The following NLRP13 variants were observed in gnomAD, a reference collection of about 807,000 sequenced individuals.
NLRP13 encodes the protein NACHT, LRR and PYD domains-containing protein 13.
NLRP13 carries 82 observed loss-of-function variants against 94.4 expected under a neutral mutation model. The ratio of observed to expected loss-of-function variants is 0.87; its 90% confidence interval spans 0.73 to 1.04. The LOEUF (loss-of-function observed/expected upper bound fraction) is 1.04, where lower values mean the gene tolerates loss of function less well. Ranked by LOEUF, NLRP13 falls within the 50% of genes least tolerant of loss-of-function variation. The probability of loss-of-function intolerance (pLI) is 0.00; values close to 1 mark genes in which losing one functional copy is unlikely to be tolerated. For missense variants in NLRP13, 1,426 were observed against 1,230.8 expected, an observed-to-expected ratio of 1.16 and a Z score of -2.37; for synonymous variants, 553 against 464.7, an observed-to-expected ratio of 1.19 and a Z score of -2.45.
At chr19:55,905,264 A>G (rs1226386006) in intron 7 of NLRP13, 152 bp from the exon 8 acceptor site, 9 of 900,370 alleles carry the variant, frequency 1.0e-5, no homozygotes, top group African/African-American at 1.7e-5. Flanking sequence ...AAAAAGGGCC[A>G]GGCGCAGTGG....
chr19:55,922,070 A>G (rs28498952), intron 4 of NLRP13, among the ~76,000 whole-genome samples: 2 of 152,162 alleles, frequency 1.3e-5, no homozygotes, highest in Admixed American at 1.3e-4. Flanking sequence ...CAACTTACCT[A>G]GTGGGAGGTG....
chr19:55,923,993 T>C lies in NLRP13; in HGVS notation c.458-14A>G, dbSNP rs1196275476. The C allele has an allele frequency of 6.2e-7, 1 of 1,608,464 alleles. No individual in the cohort carries two copies. Among genetic ancestry groups the C allele is most frequent in the South Asian group, 1.1e-5 (1 of 90,956 alleles). ...CCTGTACATTCCCTGAAATAAACAG[T>C]GATGATGAGATATGAAAATACCCCA... On this transcript the variant is annotated splice_polypyrimidine_tract_variant and intron_variant, in intron 3 of 10. Coordinates refer to ENST00000342929, the MANE Select transcript of NLRP13 (RefSeq NM_176810.2).
chr19:55,930,686 C>CAAAA (rs9304769), intron 1 of NLRP13, among the ~76,000 whole-genome samples: 121 of 94,182 alleles, frequency 1.3e-3, no homozygotes, highest in African/African-American at 5.0e-3. Context: ...AACTCCATCT[C>CAAAA]AAAAAAAAAA....
At position 55,924,574 on chromosome 19, in the gene NLRP13, C is replaced by G. The variant is rs1472203095; in HGVS notation, c.457+16G>C. The G allele has an allele frequency of 1.3e-6, 2 of 1,593,618 alleles. No homozygotes were observed. The highest frequency in any genetic ancestry group is 2.3e-5 in the East Asian group (1 of 44,372). On this transcript the variant is annotated intron_variant, in intron 3 of 10. Transcript: ENST00000342929. The stretch of plus-strand genomic sequence containing the variant: ...ATCAAGCAACCTGTCAATTATCAAC[C>G]AAGTAATGTACACACCTGTTTCTTC...
intron 1 of NLRP13, among the ~76,000 whole-genome samples, chr19:55,930,894 A>ATG (rs1195872029): frequency 1.7e-5 from 2 of 119,904 alleles, no homozygotes; most frequent in Non-Finnish European, 3.4e-5. Flanking sequence ...ATATATATAT[A>ATG]TATAAAATTT....
downstream of NLRP13, chr19:55,891,830 C>T (rs1985857345): frequency 5.4e-6 from 2 of 369,346 alleles, no homozygotes; most frequent in Non-Finnish European, 9.6e-6. Context: ...ACTAGGATTC[C>T]AGACCTGGGC....
At chr19:55,891,903 C>G, downstream of NLRP13, 1 of 397,948 alleles carries the variant, frequency 2.5e-6, no homozygotes. Context: ...TCATTTGTCC[C>G]CACAAATGGT....
rs10530056 is a variant in NLRP13 at position 55,913,548 on chromosome 19, C to CAAAAA, written c.524-260_524-256dup. Among the ~76,000 whole-genome samples, 430 of 52,004 alleles carry CAAAAA rather than the reference C, an allele frequency of 8.3e-3. 41 individuals carry two copies. The highest frequency in any genetic ancestry group is 0.024 in the South Asian group (26 of 1,080). 34.1% of individuals were successfully genotyped at this position (52,004 alleles called of 152,430 possible). Reference sequence around the variant, plus strand: ...TGGGTGACAGAGTGAGACTCCGTCTCAAAAAAAAAAAAAAAAAAAAAAAGT... The same window carrying CAAAAA: ...TGGGTGACAGAGTGAGACTCCGTCTCAAAAAAAAAAAAAAAAAAAAAAAAAAAAGT... On this transcript the variant is annotated intron_variant, in intron 4 of 10. Transcript: ENST00000342929.
rs1986190738 is a variant in NLRP13, at chr19:55,901,922, G to A, written c.2789+113C>T. 4.5e-6 allele frequency: 5 copies of A among 1,102,532 alleles called. No individual in the cohort carries two copies. The East Asian group carries it at 7.7e-5, about 17-fold the overall frequency. The allele number at this position is 1,102,532 out of a possible 1,614,324, so 68.3% of individuals were successfully genotyped here. A position where few individuals can be genotyped will look rare whatever the true frequency, so the allele number is the denominator to read the frequency against. On this transcript the variant is annotated intron_variant, in intron 9 of 10. Transcript: ENST00000342929. Reference sequence around the variant, plus strand: ...CGACAAAACCAGAAGCTCCTCCATGGCAAAGAGCTTGTCCACGCCTCATTC... The same window carrying A: ...CGACAAAACCAGAAGCTCCTCCATGACAAAGAGCTTGTCCACGCCTCATTC...
chr19:55,900,653 G>A (rs867919081), intron 9 of NLRP13, among the ~76,000 whole-genome samples: 42 of 151,566 alleles, frequency 2.8e-4, no homozygotes, highest in Middle Eastern at 3.4e-3. Flanking sequence ...GCGGGCACCC[G>A]TAGTCCCAGC....
chr19:55,913,131 T>C lies in NLRP13; in HGVS notation c.686A>G (p.Gln229Arg), dbSNP rs1395896530. Residue 229 changes from glutamine (Q) to arginine (R), a missense_variant, in exon 5 of 11, where the codon CAG becomes CGG. Gln to Arg is a conservative substitution (Grantham distance 43). Transcript: ENST00000342929. The part of the protein sequence containing the change: ...LDPNRTRAQA[Q>R]TIVLVGRAGV... ...TGCCCTCCCCACCAAGACTATCGTCTGGGCCTGGGCTCTAGTCCTATTAGG... is the reference window on the plus strand; with the variant it reads ...TGCCCTCCCCACCAAGACTATCGTCCGGGCCTGGGCTCTAGTCCTATTAGG... 6.2e-7 allele frequency: 1 copy of C among 1,614,170 alleles called. No homozygotes were observed. The highest frequency in any genetic ancestry group is 8.5e-7 in the Non-Finnish European group (1 of 1,180,018).
In NLRP13 at chr19:55,923,868, C is replaced by T. The variant is rs147092610; in HGVS notation, c.523+46G>A. ...TACTATGGACCTAGTGAAACCAATGCTCGTCAAGCAACCTGTCCATTATCA... is the reference window on the plus strand; with the variant it reads ...TACTATGGACCTAGTGAAACCAATGTTCGTCAAGCAACCTGTCCATTATCA... On this transcript the variant is annotated intron_variant, in intron 4 of 10. Coordinates refer to ENST00000342929, the MANE Select transcript of NLRP13 (RefSeq NM_176810.2). 691 of 1,430,768 alleles carry T rather than the reference C, an allele frequency of 4.8e-4. 2 individuals carry two copies. The African/African-American group carries it at 7.5e-3, about 16-fold the overall frequency. The allele number at this position is 1,430,768 out of a possible 1,614,324, so 88.6% of individuals were successfully genotyped here.
At chr19:55,930,434 C>G (rs1371248901) in intron 1 of NLRP13, among the ~76,000 whole-genome samples, 1 of 151,996 alleles carries the variant, frequency 6.6e-6, no homozygotes, top group Non-Finnish European at 1.5e-5. Context: ...GCCTGTAATC[C>G]CAGAATTTTG....
rs565649099 is a variant in NLRP13 at position 55,898,789 on chromosome 19, G to A, written c.2938C>T (p.Arg980Cys). 25 of 1,610,378 alleles carry A rather than the reference G, an allele frequency of 1.6e-5. No individual in the cohort carries two copies. The highest frequency in any genetic ancestry group is 3.3e-4 in the Middle Eastern group (2 of 6,052). The change falls in exon 10 of 11, where the codon CGT (arginine) becomes TGT (cysteine). Residue 980 changes from arginine to cysteine, a missense_variant. Physicochemically the swap from Arg to Cys is radical, Grantham distance 180. Transcript: ENST00000342929. ...ACTCACCCAAGTGTGTGCAATGCACGATGTGGTTTCAGAGCCTCACACAGT... is the reference window on the plus strand; with the variant it reads ...ACTCACCCAAGTGTGTGCAATGCACAATGTGGTTTCAGAGCCTCACACAGT... ...KLLCEALKPHRALHTLGLAKC... is the reference protein window; with the variant it reads ...KLLCEALKPHCALHTLGLAKC...
rs749410509 is a variant in NLRP13 at position 55,907,814 on chromosome 19, C to G, written c.2425G>C (p.Ala809Pro). 6.2e-7 allele frequency: 1 copy of G among 1,613,770 alleles called. No homozygotes were observed. The highest frequency in any genetic ancestry group is 1.3e-5 in the African/African-American group (1 of 74,886). ...PLILKALRHSACNLKYLCLEK... is the reference protein window; with the variant it reads ...PLILKALRHSPCNLKYLCLEK... ...TACCACAGATACTTGAGGTTGCAAGCTGAGTGTCTCAAAGCTTTAAGAATC... is the reference window on the plus strand; with the variant it reads ...TACCACAGATACTTGAGGTTGCAAGGTGAGTGTCTCAAAGCTTTAAGAATC... Residue 809 changes from alanine (A) to proline (P), a missense_variant, in exon 7 of 11, where the codon GCT becomes CCT. Transcript: ENST00000342929.
At chr19:55,909,493 C>T (rs1017548576) in intron 6 of NLRP13, among the ~76,000 whole-genome samples, 2 of 151,112 alleles carry the variant, frequency 1.3e-5, no homozygotes, top group African/African-American at 4.9e-5. Flanking sequence ...AAGACATACA[C>T]ATCAAATGCA....
chr19:55,893,376 GAAA>G (rs1325827666), downstream of NLRP13, among the ~76,000 whole-genome samples: 5 of 151,960 alleles, frequency 3.3e-5, no homozygotes, highest in African/African-American at 1.2e-4. Context: ...CAACAAGAGT[GAAA>G]CTCCATCTCA....
At chr19:55,930,155 T>C (rs34492558) in intron 1 of NLRP13, among the ~76,000 whole-genome samples, 27,988 of 151,956 alleles carry the variant, frequency 0.18, 2,793 homozygotes, top group African/African-American at 0.26. Flanking sequence ...TCTCCTTCCT[T>C]AGAACTCACT....
chr19:55,913,458 G>A (rs1487514230), intron 4 of NLRP13, among the ~76,000 whole-genome samples, 165 bp from the exon 5 acceptor site: 1 of 148,086 alleles, frequency 6.8e-6, no homozygotes, highest in Admixed American at 6.8e-5. Flanking sequence ...GCTGAGGTAG[G>A]AGAATGGCGT....
Sources: allele counts gnomAD v4.1 joint callset (sites outside exome capture counted in the v4.1 genomes callset), GRCh38; gene constraint gnomAD v4.1.1; transcripts MANE v1.5; gene names NCBI Gene and HGNC (gene_info 2026-07-23, HGNC 2026-07-21).